DNAI3: variants seen among roughly 807,000 people sequenced by gnomAD.
DNAI3 encodes the protein dynein axonemal intermediate chain 3.
In DNAI3, 83 loss-of-function variants were observed where a neutral mutation model predicts 115.5. That is an observed-to-expected ratio of 0.72 (90% CI 0.60 to 0.86). DNAI3 has a LOEUF of 0.86. Ranked by LOEUF, DNAI3 falls within the 40% of genes least tolerant of loss-of-function variation. The pLI, the probability that DNAI3 is intolerant of heterozygous loss-of-function variation, is 0.00. For synonymous variants in DNAI3, 320 were observed against 347.0 expected, an observed-to-expected ratio of 0.92 and a Z score of 0.86; for missense variants, 1,004 against 1,075.8, an observed-to-expected ratio of 0.93 and a Z score of 0.93.
At chr1:85,122,825 T>C (rs976996126) in intron 18 of DNAI3, among the ~76,000 whole-genome samples, 2 of 152,184 alleles carry the variant, frequency 1.3e-5, no homozygotes, top group African/African-American at 2.4e-5. Flanking sequence ...CCATATGTTT[T>C]TGTGGTCATG....
At chr1:85,067,634 C>T (rs946440071) in intron 1 of DNAI3, among the ~76,000 whole-genome samples, 2 of 152,164 alleles carry the variant, frequency 1.3e-5, no homozygotes, top group African/African-American at 2.4e-5. Flanking sequence ...TTAAGATCAG[C>T]GGAACTTAAC....
At chr1:85,108,258 C>T in intron 15 of DNAI3, 81 bp downstream of exon 15, 1 of 1,371,076 alleles carries the variant, frequency 7.3e-7, no homozygotes, top group African/African-American at 1.5e-5. Flanking sequence ...CATATACACA[C>T]ACTCTCTAAA....
At chr1:85,109,910 A>T (rs768643880) in intron 15 of DNAI3, 138 bp from the exon 16 acceptor site, 5 of 708,922 alleles carry the variant, frequency 7.1e-6, no homozygotes, top group Non-Finnish European at 1.2e-5. Context: ...TAGAAATTTG[A>T]GGGAGGAAAG....
rs17099213 is a variant in DNAI3 at position 85,072,023 on chromosome 1, T to A, written c.64+18T>A. 6.2e-7 allele frequency: 1 copy of A among 1,600,228 alleles called. No homozygotes were observed. Among genetic ancestry groups the A allele is most frequent in the African/African-American group, 1.4e-5 (1 of 74,030 alleles). ...ATTAGCTGGTAGGAATATTTCTTCA[T>A]TGAATGGGATTTTTTGTGGAGTATT... On this transcript the variant is annotated intron_variant, in intron 2 of 22. Transcript: ENST00000294664.
At chr1:85,099,085 G>A (rs969606209) in intron 13 of DNAI3, among the ~76,000 whole-genome samples, 2 of 152,194 alleles carry the variant, frequency 1.3e-5, no homozygotes, top group African/African-American at 2.4e-5. Context: ...TGAGAGGCTG[G>A]TGGGTGAAAA....
At chr1:85,079,689 G>C (rs67165342) in intron 3 of DNAI3, among the ~76,000 whole-genome samples, 8,616 of 152,246 alleles carry the variant, frequency 0.057, 322 homozygotes, top group South Asian at 0.087. Flanking sequence ...GCTTGAGAGA[G>C]GGGAGGGCAG....
chr1:85,127,837 G>A (rs7543362), intron 20 of DNAI3, among the ~76,000 whole-genome samples: 3 of 152,076 alleles, frequency 2.0e-5, no homozygotes, highest in South Asian at 2.1e-4. Flanking sequence ...TTCTCAGGCC[G>A]GGCATGGTGG....
rs1237861263 is a variant in DNAI3 at position 85,098,650 on chromosome 1, A to G, written c.1471A>G (p.Thr491Ala). ...TACAGATATACACTGGTTGTCTGAC[A>G]CATTTGAGGTGAGACTTGATGGCCT... Reference protein sequence around the residue: ...VITDIHWLSDTFEINRMGSVF... With the variant: ...VITDIHWLSDAFEINRMGSVF... Residue 491 changes from threonine to alanine, a missense_variant, in exon 13 of 23, where the codon ACA becomes GCA. Thr to Ala is a moderately conservative substitution (Grantham distance 58, BLOSUM62 0). Transcript: ENST00000294664. 2 of 1,612,634 alleles carry G rather than the reference A, an allele frequency of 1.2e-6. No homozygotes were observed. Among genetic ancestry groups the G allele is most frequent in the Non-Finnish European group, 1.7e-6 (2 of 1,179,408 alleles).
At chr1:85,122,103 A>G (rs947554402) in intron 18 of DNAI3, among the ~76,000 whole-genome samples, 1 of 152,266 alleles carries the variant, frequency 6.6e-6, no homozygotes, top group Non-Finnish European at 1.5e-5. Flanking sequence ...TTTGAGGAGC[A>G]CTGACCTATA....
chr1:85,094,200 G>A lies in DNAI3; in HGVS notation c.1049-231G>A, dbSNP rs551718175. 9.4e-4 allele frequency: 524 copies of A among 559,196 alleles called. No individual in the cohort carries two copies. In the Middle Eastern group the frequency reaches 0.015, roughly 16 times the overall value. 34.6% of individuals were successfully genotyped at this position (559,196 alleles called of 1,614,324 possible). On this transcript the variant is annotated intron_variant, in intron 9 of 22. Coordinates refer to ENST00000294664, the MANE Select transcript of DNAI3 (RefSeq NM_145172.5). ...TCTTCCAAAATCTTCTGAGTCCCCTGTATATTTTATACTAACAGTACATGT... is the reference window on the plus strand; with the variant it reads ...TCTTCCAAAATCTTCTGAGTCCCCTATATATTTTATACTAACAGTACATGT...
chr1:85,081,561 G>A (rs1419008892), intron 4 of DNAI3, 146 bp downstream of exon 4: 9 of 602,520 alleles, frequency 1.5e-5, no homozygotes, highest in Non-Finnish European at 2.1e-5. Context: ...TGGGAATCCT[G>A]TTTGATGATC....
chr1:85,098,609 G>C lies in DNAI3; in HGVS notation c.1430G>C (p.Gly477Ala), dbSNP rs1655197987. ...RHCAVSSIEN[G>A]HKKVITDIHW... ...TGTGCAGTCTCTTCAATAGAAAATG[G>C]ACATAAGAAAGTAATTACAGATATA... is the stretch of plus-strand genomic sequence containing the variant. The change falls in exon 13 of 23, where the codon GGA becomes GCA. Residue 477 changes from glycine to alanine, a missense_variant. By Grantham distance (60) the Gly-to-Ala change is moderately conservative. Coordinates refer to ENST00000294664, the MANE Select transcript of DNAI3 (RefSeq NM_145172.5). 1 of 1,613,448 alleles carries C rather than the reference G, an allele frequency of 6.2e-7. No individual in the cohort carries two copies. The highest frequency in any genetic ancestry group is 8.5e-7 in the Non-Finnish European group (1 of 1,179,726).
At chr1:85,085,233 C>T (rs1011586064) in intron 6 of DNAI3, among the ~76,000 whole-genome samples, 3 of 152,222 alleles carry the variant, frequency 2.0e-5, no homozygotes, top group Non-Finnish European at 4.4e-5. Context: ...AACTTCTAGC[C>T]TCCACAACTG....
At chr1:85,114,375 A>C (rs1655752350) in intron 16 of DNAI3, among the ~76,000 whole-genome samples, 1 of 152,204 alleles carries the variant, frequency 6.6e-6, no homozygotes, top group South Asian at 2.1e-4. Context: ...CTTACTAGTT[A>C]TAGTGGCTTC....
At chr1:85,084,210 G>T (rs1571164939) in intron 5 of DNAI3, among the ~76,000 whole-genome samples, 1 of 135,276 alleles carries the variant, frequency 7.4e-6, no homozygotes, top group African/African-American at 2.7e-5. Flanking sequence ...TCTATATGTA[G>T]AGATGTGTAT....
chr1:85,093,501 A>C lies in DNAI3; in HGVS notation c.901A>C (p.Ile301Leu). The stretch of plus-strand genomic sequence containing the variant: ...GCAAAATGAAATCATGAACACATTT[A>C]TTGATGACTGGAAATACCTCGCAGA... ...LQQNEIMNTF[I>L]DDWKYLAEEE... Residue 301 changes from isoleucine (I) to leucine (L), a missense_variant, in exon 9 of 23, where the codon ATT becomes CTT. This residue lies in a region of DNAI3 where 550 missense variants were observed against 568.1 expected (regional missense o/e 0.97). Transcript: ENST00000294664. 6.2e-7 allele frequency: 1 copy of C among 1,614,192 alleles called. No individual in the cohort carries two copies.
intron 1 of DNAI3, among the ~76,000 whole-genome samples, chr1:85,070,600 A>G (rs892661828): frequency 3.3e-5 from 5 of 152,192 alleles, no homozygotes; most frequent in Admixed American, 6.5e-5. Context: ...AATCCATTGC[A>G]TATTTCAAAA....
chr1:85,068,350 A>G (rs752352437), intron 1 of DNAI3, among the ~76,000 whole-genome samples: 46 of 152,178 alleles, frequency 3.0e-4, no homozygotes, highest in Admixed American at 9.2e-4. Context: ...GGCAAAATTC[A>G]TTGATGTTAT....
At chr1:85,087,526 G>C (rs1215963456) in intron 7 of DNAI3, among the ~76,000 whole-genome samples, 1 of 148,658 alleles carries the variant, frequency 6.7e-6, no homozygotes, top group African/African-American at 2.5e-5. Context: ...TTTCTCCACT[G>C]TGCCATAATC....
Sources: gnomAD v4.1 joint callset for allele counts (sites outside exome capture counted in the v4.1 genomes callset) on GRCh38, gnomAD v4.1.1 for gene constraint, gnomAD v4.1.1 regional missense constraint, MANE v1.5 for transcripts, NCBI Gene and HGNC (gene_info 2026-07-23, HGNC 2026-07-21) for gene names.